Variants in KCNMA1 observed in about 807,000 individuals in gnomAD.
The protein encoded by KCNMA1 is Calcium-activated potassium channel subunit alpha-1.
Under a neutral mutation model 140.0 loss-of-function variants are expected in KCNMA1, and 29 were observed. That is an observed-to-expected ratio of 0.21 (90% CI 0.15 to 0.28). KCNMA1 has a LOEUF of 0.28. Ranked by LOEUF, KCNMA1 falls within the 10% of genes least tolerant of loss-of-function variation. KCNMA1 has a pLI of 1.00. For synonymous variants in KCNMA1, 612 were observed against 611.9 expected (o/e 1.00, Z 0.00); for missense variants, 880 against 1,602.2 (o/e 0.55, Z 7.70).
intron 1 of KCNMA1, among the ~76,000 whole-genome samples, chr10:77,426,831 T>G (rs1264198838): frequency 6.6e-6 from 1 of 152,194 alleles, no homozygotes; most frequent in African/African-American, 2.4e-5. Context: ...CACTGCTGCA[T>G]GCCCCACCTC....
At chr10:77,288,676 C>T (rs1447511821) in intron 2 of KCNMA1, among the ~76,000 whole-genome samples, 2 of 152,126 alleles carry the variant, frequency 1.3e-5, no homozygotes, top group African/African-American at 4.8e-5. Context: ...GGTCTGTCTC[C>T]AGAAATGCTG....
chr10:77,349,652 T>C (rs141820635), intron 2 of KCNMA1, among the ~76,000 whole-genome samples: 185 of 152,234 alleles, frequency 1.2e-3, no homozygotes, highest in African/African-American at 1.9e-3. Context: ...GTAGAGTCAA[T>C]CAGAAAATCA....
At chr10:77,592,079 C>T (rs2079374175) in intron 1 of KCNMA1, among the ~76,000 whole-genome samples, 1 of 152,148 alleles carries the variant, frequency 6.6e-6, no homozygotes, top group South Asian at 2.1e-4. Context: ...GTGAACGAGA[C>T]CAATGAGAAT....
rs566053229 is a variant in KCNMA1 at position 77,540,445 on chromosome 10, T to C, written c.378+96820A>G. 2.0e-4 allele frequency among the ~76,000 whole-genome samples: 30 copies of C among 152,358 alleles called. No individual in the cohort carries two copies. The South Asian group carries it at 5.8e-3, about 29-fold the overall frequency. ...CACTGTTCAGACTATAATTTGTTCA[T>C]ATAACTTTCACAATGTTCATCTTCT... On this transcript the variant is annotated intron_variant, in intron 1 of 27. Transcript: ENST00000286628.
chr10:77,223,483 A>G (rs2050329206), intron 3 of KCNMA1, among the ~76,000 whole-genome samples: 1 of 152,188 alleles, frequency 6.6e-6, no homozygotes. Context: ...GAATAATCAG[A>G]GTGTATCTAG....
At chr10:77,267,974 C>T (rs1407873500) in intron 2 of KCNMA1, among the ~76,000 whole-genome samples, 2 of 152,112 alleles carry the variant, frequency 1.3e-5, no homozygotes, top group African/African-American at 2.4e-5. Flanking sequence ...GACAGTAGAC[C>T]CTGCCAAGTG....
Position 77,160,250 on chromosome 10 carries a change from C to A in KCNMA1, c.808+23171G>T, listed in dbSNP as rs74789214. Among the ~76,000 whole-genome samples the A allele has an allele frequency of 8.0e-3, 1,215 of 152,248 alleles. 54 individuals are homozygous for A. The East Asian group carries it at 0.12, about 15-fold the overall frequency. On this transcript the variant is annotated intron_variant, in intron 5 of 27. Transcript: ENST00000286628. ...TATGATCACTCTGAAATATTCACAC[C>A]AGTCCACTTCCTGGCTCCCCAAAGA...
intron 20 of KCNMA1, among the ~76,000 whole-genome samples, chr10:76,955,108 T>C (rs1473579210): frequency 6.6e-6 from 1 of 152,168 alleles, no homozygotes; most frequent in Non-Finnish European, 1.5e-5. Flanking sequence ...ACAGAAAATA[T>C]ACATCGGGTC....
At chr10:77,038,717 T>A (rs79158353) in intron 15 of KCNMA1, among the ~76,000 whole-genome samples, 9,058 of 152,172 alleles carry the variant, frequency 0.06, 297 homozygotes, top group Middle Eastern at 0.085. Flanking sequence ...TTTTCCTTAT[T>A]TTTTGTAGAG....
intron 1 of KCNMA1, among the ~76,000 whole-genome samples, chr10:77,502,616 C>G (rs963156198): frequency 6.6e-6 from 1 of 152,146 alleles, no homozygotes; most frequent in Non-Finnish European, 1.5e-5. Flanking sequence ...CCCATGGACA[C>G]CAAGAGAAGA....
intron 19 of KCNMA1, among the ~76,000 whole-genome samples, chr10:76,987,566 C>T (rs2081614985): frequency 6.6e-6 from 1 of 152,220 alleles, no homozygotes; most frequent in Admixed American, 6.5e-5. Flanking sequence ...TACAAGGAAA[C>T]TTTACTTACT....
intron 3 of KCNMA1, among the ~76,000 whole-genome samples, chr10:77,217,220 G>A (rs1165522818): frequency 1.3e-5 from 2 of 151,522 alleles, no homozygotes; most frequent in Non-Finnish European, 2.9e-5. Context: ...CAGGAGAATC[G>A]CTTGAACCTA....
At chr10:77,371,259 A>T (rs1232288768) in intron 2 of KCNMA1, among the ~76,000 whole-genome samples, 1 of 152,072 alleles carries the variant, frequency 6.6e-6, no homozygotes, top group Non-Finnish European at 1.5e-5. Flanking sequence ...ACCCCTGGCC[A>T]CAGTTGCATA....
At chr10:77,422,240 T>G (rs287186) in intron 1 of KCNMA1, among the ~76,000 whole-genome samples, 73,975 of 152,126 alleles carry the variant, frequency 0.49, 19,524 homozygotes, top group African/African-American at 0.7. Context: ...TTAGTGTGCA[T>G]CAGAGTCACC....
At chr10:77,076,970 C>G (rs1433608167) in intron 13 of KCNMA1, among the ~76,000 whole-genome samples, 1 of 151,870 alleles carries the variant, frequency 6.6e-6, no homozygotes, top group African/African-American at 2.4e-5. Flanking sequence ...CAGGTCCTTT[C>G]CTGAAAGCAA....
intron 15 of KCNMA1, among the ~76,000 whole-genome samples, chr10:77,038,475 A>G (rs1193247408): frequency 6.6e-6 from 1 of 152,124 alleles, no homozygotes; most frequent in East Asian, 1.9e-4. Flanking sequence ...TGTTTCACCA[A>G]CCTCAGGGAG....
chr10:77,401,838 C>T (rs1390041887), intron 2 of KCNMA1, among the ~76,000 whole-genome samples: 1 of 152,194 alleles, frequency 6.6e-6, no homozygotes, highest in African/African-American at 2.4e-5. Context: ...CTTTCCCCTA[C>T]AGCCCCTCCC....
intron 14 of KCNMA1, among the ~76,000 whole-genome samples, chr10:77,064,762 T>C (rs941670066): frequency 1.3e-5 from 2 of 152,170 alleles, no homozygotes; most frequent in Non-Finnish European, 2.9e-5. Context: ...ACAGTGACGT[T>C]GACCCAAATA....
intron 2 of KCNMA1, among the ~76,000 whole-genome samples, chr10:77,279,517 T>A (rs983581322): frequency 6.6e-6 from 1 of 152,120 alleles, no homozygotes; most frequent in African/African-American, 2.4e-5. Context: ...CAAATAACAC[T>A]TATTTTCCTG....
Sources: gnomAD v4.1 joint callset for allele counts (sites outside exome capture counted in the v4.1 genomes callset) on GRCh38, gnomAD v4.1.1 for gene constraint, MANE v1.5 for transcripts, NCBI Gene and HGNC (gene_info 2026-07-23, HGNC 2026-07-21) for gene names.